Variants in ZDHHC21 observed in about 807,000 individuals in gnomAD.
The protein encoded by ZDHHC21 is palmitoyltransferase ZDHHC21.
In ZDHHC21, 15 loss-of-function variants were observed where a neutral mutation model predicts 34.6. The ratio of observed to expected loss-of-function variants is 0.43; its 90% CI spans 0.29 to 0.67. ZDHHC21 has a LOEUF of 0.67. Among genes scored for constraint, ZDHHC21 ranks in the 30% least tolerant of loss-of-function variants. The probability of loss-of-function intolerance (pLI) is 0.14; values close to 1 mark genes in which losing one functional copy is unlikely to be tolerated. For missense variants in ZDHHC21, 344 were observed against 327.7 expected, an observed-to-expected ratio of 1.05 and a Z score of -0.38; for synonymous variants, 142 against 101.8, an observed-to-expected ratio of 1.40 and a Z score of -2.38.
the ZDHHC21 span, among the ~76,000 whole-genome samples, chr9:14,592,151 T>C: frequency 1.3e-5 from 2 of 152,072 alleles, no homozygotes; most frequent in Admixed American, 6.5e-5. Flanking sequence ...GTATTAAACA[T>C]CTATTTTTAG....
chr9:14,609,842 C>G (rs1823145756), downstream of ZDHHC21, among the ~76,000 whole-genome samples: 1 of 152,008 alleles, frequency 6.6e-6, no homozygotes, highest in African/African-American at 2.4e-5. Flanking sequence ...AGGAAAATAT[C>G]CAGTTACCTG....
Position 14,647,128 on chromosome 9 carries a change from T to C in ZDHHC21, c.505-7116A>G, listed in dbSNP as rs191802543. On this transcript the variant is annotated intron_variant, in intron 7 of 9. Transcript: ENST00000380916. ...CACATAGGCAACATGTACATAAACATACTTATGTCCTCACACATAAACCAG... is the reference window on the plus strand; with the variant it reads ...CACATAGGCAACATGTACATAAACACACTTATGTCCTCACACATAAACCAG... 3.4e-4 allele frequency among the ~76,000 whole-genome samples: 52 copies of C among 152,220 alleles called. No individual in the cohort carries two copies. In the East Asian group the frequency reaches 7.3e-3, roughly 21 times the overall value.
At chr9:14,686,733 G>A (rs1440382067) in intron 2 of ZDHHC21, among the ~76,000 whole-genome samples, 1 of 151,930 alleles carries the variant, frequency 6.6e-6, no homozygotes, top group Non-Finnish European at 1.5e-5. Flanking sequence ...AGCACTTTGG[G>A]AGGCCGAGGT....
At chr9:14,675,376 A>G (rs1406196150) in intron 3 of ZDHHC21, among the ~76,000 whole-genome samples, 1 of 151,980 alleles carries the variant, frequency 6.6e-6, no homozygotes, top group Non-Finnish European at 1.5e-5. Context: ...GCCTGTAAGA[A>G]AACCAAAAAC....
chr9:14,661,428 T>C (rs1833375210), intron 6 of ZDHHC21, among the ~76,000 whole-genome samples: 1 of 152,198 alleles, frequency 6.6e-6, no homozygotes, highest in South Asian at 2.1e-4. Flanking sequence ...TATACAAACA[T>C]AAATACTACA....
At chr9:14,663,820 G>A (rs1833850283) in intron 5 of ZDHHC21, among the ~76,000 whole-genome samples, 1 of 152,090 alleles carries the variant, frequency 6.6e-6, no homozygotes, top group African/African-American at 2.4e-5. Flanking sequence ...AATAAATCAT[G>A]CAAGAGCAAC....
intron 7 of ZDHHC21, among the ~76,000 whole-genome samples, chr9:14,652,845 C>A (rs1431724374): frequency 6.6e-6 from 1 of 151,860 alleles, no homozygotes; most frequent in Non-Finnish European, 1.5e-5. Flanking sequence ...CCTTAAAAAA[C>A]AAGAAAAGAA....
chr9:14,593,232 T>C, the ZDHHC21 span, among the ~76,000 whole-genome samples: 1 of 151,922 alleles, frequency 6.6e-6, no homozygotes, highest in Non-Finnish European at 1.5e-5. Context: ...ATTAACAAAA[T>C]TGACAAACCT....
In ZDHHC21 at chr9:14,611,149, C is replaced by G. The variant is rs1418296514; in HGVS notation, c.*7817G>C. On this transcript the variant is annotated 3_prime_UTR_variant, in exon 10 of 10. Coordinates refer to ENST00000380916, the MANE Select transcript of ZDHHC21 (RefSeq NM_178566.6). Reference sequence around the variant, plus strand: ...TAATACATTTTGAGAAGTAAAAATTCCACAATTTAAATTAAAAACAATCTG... The same window carrying G: ...TAATACATTTTGAGAAGTAAAAATTGCACAATTTAAATTAAAAACAATCTG... 6.6e-6 allele frequency: 1 copy of G among 151,602 alleles called. No homozygotes were observed. The highest frequency in any genetic ancestry group is 1.5e-5 in the Non-Finnish European group (1 of 67,764). The allele number at this position is 151,602 out of a possible 1,614,324, so 9.4% of individuals were successfully genotyped here.
chr9:14,638,256 A>C (rs1378674221), intron 8 of ZDHHC21, among the ~76,000 whole-genome samples: 1 of 152,136 alleles, frequency 6.6e-6, no homozygotes, highest in Non-Finnish European at 1.5e-5. Context: ...ATTTTTGACA[A>C]AGGCATCAAG....
intron 5 of ZDHHC21, among the ~76,000 whole-genome samples, chr9:14,672,389 T>A (rs1835624052): frequency 6.6e-6 from 1 of 152,108 alleles, no homozygotes; most frequent in South Asian, 2.1e-4. Context: ...AAGTACATTA[T>A]GACTTAAGTT....
In ZDHHC21 at chr9:14,658,909, G is replaced by C. The variant is rs749962167; in HGVS notation, c.366-22C>G. ...AATCCTAAAGAAAAAAAATGAAAAA[G>C]AAACAATATTTTAAATTTCAAGAAG... is the stretch of plus-strand genomic sequence containing the variant. On this transcript the variant is annotated intron_variant, in intron 6 of 9. Coordinates refer to ENST00000380916, the MANE Select transcript of ZDHHC21 (RefSeq NM_178566.6). 3.8e-6 allele frequency: 6 copies of C among 1,590,590 alleles called. No individual in the cohort carries two copies. In the Admixed American group the frequency reaches 7.3e-5, roughly 19 times the overall value.
intron 7 of ZDHHC21, among the ~76,000 whole-genome samples, chr9:14,657,687 T>G (rs967275376): frequency 6.6e-6 from 1 of 152,166 alleles, no homozygotes; most frequent in Admixed American, 6.5e-5. Flanking sequence ...AGGGCTGAAT[T>G]TAAACCAAGG....
chr9:14,683,001 C>T (rs1338332918), intron 2 of ZDHHC21, among the ~76,000 whole-genome samples: 1 of 152,150 alleles, frequency 6.6e-6, no homozygotes, highest in South Asian at 2.1e-4. Flanking sequence ...AGAACAGACA[C>T]AACATACCAG....
rs1382123784 is a variant in ZDHHC21, at chr9:14,615,938, G to A, written c.*3028C>T. ...TTACTGCTCACAATTATTTTCTAAT[G>A]CCCAACACCTTTAGTTGTTTTCAGT... On this transcript the variant is annotated 3_prime_UTR_variant, in exon 10 of 10. Coordinates refer to ENST00000380916, the MANE Select transcript of ZDHHC21 (RefSeq NM_178566.6). 5 of 151,326 alleles carry A rather than the reference G, an allele frequency of 3.3e-5. No homozygotes were observed. Among genetic ancestry groups the A allele is most frequent in the African/African-American group, 4.8e-5 (2 of 41,284 alleles). 9.4% of individuals were successfully genotyped at this position (151,326 alleles called of 1,614,324 possible).
the ZDHHC21 span, among the ~76,000 whole-genome samples, chr9:14,605,721 T>C: frequency 6.6e-6 from 1 of 152,248 alleles, no homozygotes; most frequent in Non-Finnish European, 1.5e-5. Flanking sequence ...TTTGCTTTTG[T>C]TGCTTGTGCT....
Position 14,612,145 on chromosome 9 carries a change from T to C in ZDHHC21, c.*6821A>G, listed in dbSNP as rs944724280. 24 of 152,078 alleles carry C rather than the reference T, an allele frequency of 1.6e-4. No homozygotes were observed. Among genetic ancestry groups the C allele is most frequent in the Admixed American group, 1.1e-3 (16 of 15,230 alleles). 9.4% of individuals were successfully genotyped at this position (152,078 alleles called of 1,614,324 possible). On this transcript the variant is annotated 3_prime_UTR_variant, in exon 10 of 10. Coordinates refer to ENST00000380916, the MANE Select transcript of ZDHHC21 (RefSeq NM_178566.6). ...TTTTGCTTTCACCTCTAATGATATG[T>C]TCATCTAGATTTCTACATATCGTTC...
chr9:14,605,924 A>G, the ZDHHC21 span, among the ~76,000 whole-genome samples: 299 of 152,334 alleles, frequency 2.0e-3, 1 homozygote, highest in African/African-American at 7.0e-3. Flanking sequence ...GTAAAAATAA[A>G]GCTACACTGG....
Position 14,611,878 on chromosome 9 carries a change from A to G in ZDHHC21, c.*7088T>C, listed in dbSNP as rs2066659131. On this transcript the variant is annotated 3_prime_UTR_variant, in exon 10 of 10. Coordinates refer to ENST00000380916, the MANE Select transcript of ZDHHC21 (RefSeq NM_178566.6). ...TACTTTTGTATCATTTAGTTGCTTT[A>G]TTCTTACATATATGAAGTAGAATTT... is the stretch of plus-strand genomic sequence containing the variant. 1.3e-5 allele frequency: 2 copies of G among 151,958 alleles called. No individual in the cohort carries two copies. The allele number at this position is 151,958 out of a possible 1,614,324, so 9.4% of individuals were successfully genotyped here.
Sources: gnomAD v4.1 joint callset for allele counts (sites outside exome capture counted in the v4.1 genomes callset) on GRCh38, gnomAD v4.1.1 for gene constraint, MANE v1.5 for transcripts, NCBI Gene and HGNC (gene_info 2026-07-23, HGNC 2026-07-21) for gene names.